NPHP4: variants seen among roughly 807,000 people sequenced by gnomAD.
The protein encoded by NPHP4 is nephrocystin-4.
In NPHP4, 151 loss-of-function variants were observed where a neutral mutation model predicts 155.8. That is an observed-to-expected ratio of 0.97 (90% CI 0.85 to 1.11). The LOEUF is 1.11. Ranked by LOEUF, NPHP4 falls within the 50% of genes least tolerant of loss-of-function variation. NPHP4 has a pLI of 0.00. For missense variants in NPHP4, 1,956 were observed against 1,925.7 expected (o/e 1.02, Z -0.29); for synonymous variants, 845 against 816.8 (o/e 1.03, Z -0.59).
chr1:5,928,402 T>C lies in NPHP4; in HGVS notation c.1303-615A>G, dbSNP rs1175664072. Among the ~76,000 whole-genome samples the C allele has an allele frequency of 3.3e-5, 5 of 152,384 alleles. No individual in the cohort carries two copies. In the East Asian group the frequency reaches 9.6e-4, roughly 29 times the overall value. On this transcript the variant is annotated intron_variant, in intron 10 of 29. Transcript: ENST00000378156. ...TTACATACACATCAAACTGTTTCTT[T>C]TTTTATTACTGAGTGATATTCTATT...
At chr1:5,920,639 C>G (rs986448041) in intron 11 of NPHP4, among the ~76,000 whole-genome samples, 2 of 152,216 alleles carry the variant, frequency 1.3e-5, no homozygotes, top group South Asian at 2.1e-4. Flanking sequence ...CATCCTCCCC[C>G]CAATCCTTGG....
chr1:5,942,587 CAAAAAAAAA>C (rs34438938), intron 9 of NPHP4, among the ~76,000 whole-genome samples: 3,964 of 82,768 alleles, frequency 0.048, 110 homozygotes, highest in Middle Eastern at 0.2. Context: ...TCATAAATGA[CAAAAAAAAA>C]AAAAAAAAGC....
intron 29 of NPHP4, 135 bp downstream of exon 29, chr1:5,863,755 G>A (rs1290994905): frequency 1.1e-6 from 1 of 915,926 alleles, no homozygotes; most frequent in African/African-American, 1.6e-5. Flanking sequence ...ACTATGGGAT[G>A]GTACCTGTCA....
intron 7 of NPHP4, among the ~76,000 whole-genome samples, chr1:5,950,471 A>G (rs1290057048): frequency 2.6e-5 from 4 of 152,260 alleles, no homozygotes; most frequent in African/African-American, 7.2e-5. Flanking sequence ...CTGCAGCTCC[A>G]GGTAAGGGAT....
chr1:5,890,829 GC>G lies in NPHP4; in HGVS notation c.2304+38del. 6.3e-7 allele frequency: 1 copy of G among 1,581,610 alleles called. No individual in the cohort carries two copies. The highest frequency in any genetic ancestry group is 8.6e-7 in the Non-Finnish European group (1 of 1,157,532). On this transcript the variant is annotated intron_variant, in intron 17 of 29. Transcript: ENST00000378156. This position sits in a 1 kb window ranked among gnomAD's most constrained non-coding sequence, Gnocchi z 4.9. The stretch of plus-strand genomic sequence containing the variant: ...AAGCGTGACTCGTCCCATGAGGGAC[GC>G]AGCACCCACTGTGCCTGTCCTTCCA...
intron 9 of NPHP4, among the ~76,000 whole-genome samples, chr1:5,933,733 G>T (rs1049683995): frequency 6.6e-6 from 1 of 152,180 alleles, no homozygotes; most frequent in Non-Finnish European, 1.5e-5. Context: ...AAAATACTAG[G>T]AACAGCACTT....
At chr1:5,969,402 A>T in intron 3 of NPHP4, 143 bp from the exon 4 acceptor site, 1 of 466,168 alleles carries the variant, frequency 2.1e-6, no homozygotes, top group Non-Finnish European at 3.8e-6. Context: ...GTGGTGTACC[A>T]CATCTCTGCA....
intron 23 of NPHP4, among the ~76,000 whole-genome samples, chr1:5,869,096 CACATGCAT>C (rs1641690459): frequency 6.8e-6 from 1 of 147,714 alleles, no homozygotes; most frequent in South Asian, 2.2e-4. Flanking sequence ...CACACATGCA[CACATGCAT>C]GCACCCACAT....
chr1:5,915,179 C>CT (rs2101465487), intron 11 of NPHP4, among the ~76,000 whole-genome samples: 1 of 151,052 alleles, frequency 6.6e-6, no homozygotes, highest in South Asian at 2.1e-4. Flanking sequence ...CTCATGGCAG[C>CT]TGGTGGAAGG....
At chr1:5,897,716 C>T (rs1025552952) in intron 16 of NPHP4, among the ~76,000 whole-genome samples, 1 of 152,004 alleles carries the variant, frequency 6.6e-6, no homozygotes, top group African/African-American at 2.4e-5. Context: ...GGAAACCGGG[C>T]TGGATCCCAG....
chr1:5,934,190 TGCA>T (rs1360034032), intron 9 of NPHP4, among the ~76,000 whole-genome samples: 1 of 152,182 alleles, frequency 6.6e-6, no homozygotes, highest in African/African-American at 2.4e-5. Flanking sequence ...AGGCCCTGCC[TGCA>T]GATCCTGCAG....
Position 5,865,171 on chromosome 1 carries a change from G to A in NPHP4, c.3747C>T (p.Ser1249=). ...CTGTCTGTGTCCCCCGAAGGACAAGGGACAGGCGGGTCAGCTGGCCTGCGA... is the reference window on the plus strand; with the variant it reads ...CTGTCTGTGTCCCCCGAAGGACAAGAGACAGGCGGGTCAGCTGGCCTGCGA... ...SCVAGQLTRL[S]LVLRGTQTVR... is the part of the protein sequence containing the mutation. Residue 1249 remains serine (S), a synonymous_variant, in exon 27 of 30, where the codon TCC becomes TCT. Coordinates refer to ENST00000378156, the MANE Select transcript of NPHP4 (RefSeq NM_015102.5). 6.2e-7 allele frequency: 1 copy of A among 1,613,190 alleles called. No homozygotes were observed. The highest frequency in any genetic ancestry group is 8.5e-7 in the Non-Finnish European group (1 of 1,179,674).
intron 10 of NPHP4, among the ~76,000 whole-genome samples, chr1:5,930,381 G>A (rs1422928227): frequency 6.6e-6 from 1 of 152,174 alleles, no homozygotes; most frequent in Non-Finnish European, 1.5e-5. Flanking sequence ...TGAAGACAAA[G>A]ATCAGATCAC....
chr1:5,910,594 A>C lies in NPHP4; in HGVS notation c.1442-1381T>G, dbSNP rs112442410. 4.1e-3 allele frequency among the ~76,000 whole-genome samples: 622 copies of C among 152,328 alleles called. 5 individuals carry two copies. Among genetic ancestry groups the C allele is most frequent in the African/African-American group, 0.014 (588 of 41,564 alleles). On this transcript the variant is annotated intron_variant, in intron 11 of 29. Transcript: ENST00000378156. This position sits in a 1 kb window ranked among gnomAD's most constrained non-coding sequence, Gnocchi z 5.4. ...GGGACCTACGGACCAAGCACACAGCACAGAGGCCTGTGACGTCAAACGCTG... is the reference window on the plus strand; with the variant it reads ...GGGACCTACGGACCAAGCACACAGCCCAGAGGCCTGTGACGTCAAACGCTG...
chr1:5,863,417 C>T lies in NPHP4; in HGVS notation c.4141-12G>A, dbSNP rs777590161. On this transcript the variant is annotated splice_polypyrimidine_tract_variant and intron_variant, in intron 29 of 29. Transcript: ENST00000378156. The stretch of plus-strand genomic sequence containing the variant: ...TCTCCACCCCCGACCTGGAAATAAG[C>T]ATCCAAATCCCAGCATCCACCCCCG... 1.9e-6 allele frequency: 3 copies of T among 1,601,944 alleles called. No homozygotes were observed. Among genetic ancestry groups the T allele is most frequent in the South Asian group, 2.2e-5 (2 of 89,614 alleles).
In NPHP4 at chr1:5,967,990, G is replaced by A. The variant is rs564023920; in HGVS notation, c.453-627C>T. ...CGCCAGCCTATCCACCCGTATGCCCGGCTCCTACACAGAGCCTGGCACGCG... is the reference window on the plus strand; with the variant it reads ...CGCCAGCCTATCCACCCGTATGCCCAGCTCCTACACAGAGCCTGGCACGCG... On this transcript the variant is annotated intron_variant, in intron 4 of 29. Transcript: ENST00000378156. Among the ~76,000 whole-genome samples, 98 of 152,108 alleles carry A rather than the reference G, an allele frequency of 6.4e-4. 1 individual carries two copies. Among genetic ancestry groups the A allele is most frequent in the African/African-American group, 1.7e-3 (70 of 41,494 alleles).
At chr1:5,926,830 G>C (rs1646030297) in intron 11 of NPHP4, among the ~76,000 whole-genome samples, 1 of 152,188 alleles carries the variant, frequency 6.6e-6, no homozygotes, top group South Asian at 2.1e-4. Flanking sequence ...TCCCTCCCGG[G>C]CTTGCACGTT....
intron 21 of NPHP4, 102 bp downstream of exon 21, chr1:5,874,772 C>A: frequency 6.6e-7 from 1 of 1,513,792 alleles, no homozygotes; most frequent in South Asian, 1.2e-5. Flanking sequence ...GAAGTCAAAT[C>A]GCCCCGGCTC....
chr1:5,947,231 C>A lies in NPHP4; in HGVS notation c.993-1G>T. The A allele has an allele frequency of 6.2e-7, 1 of 1,613,598 alleles. No homozygotes were observed. The highest frequency in any genetic ancestry group is 1.1e-5 in the South Asian group (1 of 91,052). ...CAAAACCAGAGCTTGGCTCCCGGAGCTGGGTCAGAAACACAAACCAGGGAC... is the reference window on the plus strand; with the variant it reads ...CAAAACCAGAGCTTGGCTCCCGGAGATGGGTCAGAAACACAAACCAGGGAC... On this transcript the variant is annotated splice_acceptor_variant, in intron 8 of 29. Coordinates refer to ENST00000378156, the MANE Select transcript of NPHP4 (RefSeq NM_015102.5). LOFTEE classifies it high-confidence loss of function.
Sources: allele counts gnomAD v4.1 joint callset (sites outside exome capture counted in the v4.1 genomes callset), GRCh38; gene constraint gnomAD v4.1.1; non-coding constraint Gnocchi (gnomAD v3.1); transcripts MANE v1.5; gene names NCBI Gene and HGNC (gene_info 2026-07-23, HGNC 2026-07-21).